EPHA5: variants seen among roughly 807,000 people sequenced by gnomAD.
The protein encoded by EPHA5 is ephrin type-A receptor 5.
In EPHA5, 60 loss-of-function variants were observed where a neutral mutation model predicts 105.0. The observed-to-expected ratio is 0.57, with a 90% CI of 0.46 to 0.71. The LOEUF (loss-of-function observed/expected upper bound fraction) is 0.71, where lower values mean the gene tolerates loss of function less well. EPHA5 is among the 30% of genes least tolerant of loss of function. EPHA5 has a pLI of 0.00. For synonymous variants in EPHA5, 513 were observed against 449.1 expected, an observed-to-expected ratio of 1.14 and a Z score of -1.80; for missense variants, 1,218 against 1,274.7, an observed-to-expected ratio of 0.96 and a Z score of 0.68.
intron 8 of EPHA5, 122 bp from the exon 9 acceptor site, chr4:65,367,546 T>G (rs959934769): frequency 7.3e-6 from 6 of 825,896 alleles, no homozygotes; most frequent in Non-Finnish European, 1.2e-5. Flanking sequence ...TACTAGTAGT[T>G]TGGAATGATG....
intron 3 of EPHA5, among the ~76,000 whole-genome samples, chr4:65,531,457 GA>G: frequency 6.8e-6 from 1 of 146,014 alleles, no homozygotes; most frequent in Admixed American, 7.1e-5. Flanking sequence ...TATATACTGA[GA>G]TGTCTTTGCA....
chr4:65,530,534 G>C (rs1453050575), intron 3 of EPHA5, among the ~76,000 whole-genome samples: 3 of 152,108 alleles, frequency 2.0e-5, no homozygotes, highest in Non-Finnish European at 4.4e-5. Context: ...TGGTCAGTTA[G>C]AAATTCAGTG....
At chr4:65,377,514 A>G (rs560513996) in intron 8 of EPHA5, among the ~76,000 whole-genome samples, 1 of 152,030 alleles carries the variant, frequency 6.6e-6, no homozygotes, top group African/African-American at 2.4e-5. Flanking sequence ...GTGACCCACC[A>G]ATTTCTTATG....
Position 65,415,061 on chromosome 4 carries a change from A to G in EPHA5, c.1528-618T>C, listed in dbSNP as rs1489092615. On this transcript the variant is annotated intron_variant, in intron 6 of 16. Coordinates refer to ENST00000613740, the MANE Select transcript of EPHA5 (RefSeq NM_001281766.3). Reference sequence around the variant, plus strand: ...TGTCCTGATTTGGAGGGGCTAAGTTAATGGAGATGTACTAGGAAAAAAATT... The same window carrying G: ...TGTCCTGATTTGGAGGGGCTAAGTTGATGGAGATGTACTAGGAAAAAAATT... Among the ~76,000 whole-genome samples the G allele has an allele frequency of 2.0e-5, 3 of 152,186 alleles. No homozygotes were observed. In the East Asian group the frequency reaches 5.8e-4, roughly 29 times the overall value.
intron 5 of EPHA5, among the ~76,000 whole-genome samples, chr4:65,484,313 A>C (rs1730672325): frequency 6.6e-6 from 1 of 152,150 alleles, no homozygotes; most frequent in African/African-American, 2.4e-5. Context: ...ATATTTTATG[A>C]GACACCATGC....
chr4:65,538,331 T>C (rs1380561577), intron 3 of EPHA5, among the ~76,000 whole-genome samples: 2 of 151,718 alleles, frequency 1.3e-5, no homozygotes, highest in African/African-American at 4.8e-5. Flanking sequence ...TCAGCAAAAA[T>C]GTTTAGGGTA....
chr4:65,385,074 A>G (rs1719950802), intron 8 of EPHA5, among the ~76,000 whole-genome samples: 1 of 151,796 alleles, frequency 6.6e-6, no homozygotes, highest in Non-Finnish European at 1.5e-5. Context: ...AGGAGAGAAA[A>G]TTTGAAAGCA....
intron 1 of EPHA5, among the ~76,000 whole-genome samples, chr4:65,649,303 C>A (rs1277494586): frequency 6.6e-6 from 1 of 152,186 alleles, no homozygotes; most frequent in Non-Finnish European, 1.5e-5. Flanking sequence ...AACATCAGAT[C>A]ACTTTATTAC....
At chr4:65,526,094 T>A (rs115185785) in intron 3 of EPHA5, among the ~76,000 whole-genome samples, 2,141 of 151,962 alleles carry the variant, frequency 0.014, 60 homozygotes, top group African/African-American at 0.048. Flanking sequence ...TATTACTGTT[T>A]TGCATATATC....
At chr4:65,475,006 G>T (rs1032951439) in intron 5 of EPHA5, among the ~76,000 whole-genome samples, 10 of 152,046 alleles carry the variant, frequency 6.6e-5, no homozygotes, top group African/African-American at 2.2e-4. Context: ...TTGAGTAAAT[G>T]CTTTCACAGA....
intron 5 of EPHA5, among the ~76,000 whole-genome samples, chr4:65,439,521 A>G (rs900116377): frequency 9.3e-5 from 14 of 151,052 alleles, no homozygotes; most frequent in Middle Eastern, 3.4e-3. Context: ...CCAAGAGTTC[A>G]TATCTTGCAA....
At chr4:65,606,177 T>A (rs535229784) in intron 2 of EPHA5, among the ~76,000 whole-genome samples, 7 of 152,276 alleles carry the variant, frequency 4.6e-5, no homozygotes, top group African/African-American at 1.7e-4. Flanking sequence ...TTTTTTTTCT[T>A]TTGCTATATA....
chr4:65,377,094 G>A (rs2148920472), intron 8 of EPHA5: 1 of 1,596,546 alleles, frequency 6.3e-7, no homozygotes, highest in Non-Finnish European at 8.5e-7. Flanking sequence ...CCCAAGATAA[G>A]GAAGAGATCC....
chr4:65,662,844 C>T (rs895779139), intron 1 of EPHA5, among the ~76,000 whole-genome samples: 1 of 152,060 alleles, frequency 6.6e-6, no homozygotes, highest in Admixed American at 6.6e-5. Flanking sequence ...CTTCCAACAA[C>T]CTTTCCACAC....
At chr4:65,426,122 CACT>C (rs1724421205) in intron 5 of EPHA5, among the ~76,000 whole-genome samples, 2 of 152,122 alleles carry the variant, frequency 1.3e-5, no homozygotes, top group South Asian at 4.1e-4. Context: ...TTTGTCACGT[CACT>C]ACCCTGCCTT....
chr4:65,466,172 G>T (rs1481273353), intron 5 of EPHA5, among the ~76,000 whole-genome samples: 2 of 152,234 alleles, frequency 1.3e-5, no homozygotes, highest in Non-Finnish European at 2.9e-5. Context: ...CTTTAAATAG[G>T]ATGGTCTGAA....
intron 8 of EPHA5, among the ~76,000 whole-genome samples, chr4:65,367,806 C>T (rs749140470): frequency 6.6e-6 from 1 of 151,960 alleles, no homozygotes; most frequent in South Asian, 2.1e-4. Context: ...TGTGTCTGAT[C>T]TAATAGTTTC....
At chr4:65,492,247 G>C (rs1731473941) in intron 4 of EPHA5, among the ~76,000 whole-genome samples, 1 of 151,948 alleles carries the variant, frequency 6.6e-6, no homozygotes, top group Non-Finnish European at 1.5e-5. Context: ...TGTCGCCCGG[G>C]CTGAAATGCA....
chr4:65,504,503 A>G (rs184369670), intron 3 of EPHA5, among the ~76,000 whole-genome samples: 1 of 152,016 alleles, frequency 6.6e-6, no homozygotes, highest in East Asian at 1.9e-4. Flanking sequence ...GCCTCCTAAG[A>G]TAAAATAGTT....
Sources: allele counts gnomAD v4.1 joint callset (sites outside exome capture counted in the v4.1 genomes callset), GRCh38; gene constraint gnomAD v4.1.1; transcripts MANE v1.5; gene names NCBI Gene and HGNC (gene_info 2026-07-23, HGNC 2026-07-21).